KCNMB2: variants seen among roughly 807,000 people sequenced by gnomAD.
KCNMB2 encodes potassium calcium-activated channel subfamily M regulatory beta subunit 2.
Under a neutral mutation model 24.5 loss-of-function variants are expected in KCNMB2, and 9 were observed. That is an observed-to-expected ratio of 0.37 (90% confidence interval 0.22 to 0.64). The LOEUF (loss-of-function observed/expected upper bound fraction) is 0.64, where lower values mean the gene tolerates loss of function less well. Among genes scored for constraint, KCNMB2 ranks in the 30% least tolerant of loss-of-function variants. The probability of loss-of-function intolerance (pLI) is 0.63; values close to 1 mark genes in which losing one functional copy is unlikely to be tolerated. For synonymous variants in KCNMB2, 109 were observed against 104.4 expected, an observed-to-expected ratio of 1.04 and a Z score of -0.27; for missense variants, 226 against 284.3, an observed-to-expected ratio of 0.79 and a Z score of 1.47.
chr3:178,679,183 A>G lies in KCNMB2; in HGVS notation c.-67-128160A>G, dbSNP rs9871901. ...CCCAAAAGATATACACTACATTAAC[A>G]TTAATCACTAATGTGATATTAACTA... On this transcript the variant is annotated intron_variant, in intron 1 of 4. Coordinates refer to ENST00000452583, the MANE Select transcript of KCNMB2 (RefSeq NM_181361.3). Among the ~76,000 whole-genome samples, 1,057 of 152,280 alleles carry G rather than the reference A, an allele frequency of 6.9e-3. 11 individuals carry two copies. The highest frequency in any genetic ancestry group is 0.024 in the African/African-American group (991 of 41,544).
chr3:178,718,690 G>A (rs1211957373), intron 1 of KCNMB2, among the ~76,000 whole-genome samples: 5 of 152,184 alleles, frequency 3.3e-5, no homozygotes, highest in Non-Finnish European at 7.3e-5. Flanking sequence ...GGATAGAGCT[G>A]GGGTTTAGAC....
intron 1 of KCNMB2, among the ~76,000 whole-genome samples, chr3:178,663,626 T>G (rs1720613484): frequency 6.6e-6 from 1 of 152,144 alleles, no homozygotes; most frequent in Non-Finnish European, 1.5e-5. Flanking sequence ...AAGTCATTTG[T>G]ACTACTAGAA....
At chr3:178,653,393 T>C (rs1174918834) in intron 1 of KCNMB2, among the ~76,000 whole-genome samples, 1 of 152,130 alleles carries the variant, frequency 6.6e-6, no homozygotes, top group Non-Finnish European at 1.5e-5. Flanking sequence ...AACAATTCTG[T>C]CTCTTCCCTT....
chr3:178,757,893 AT>A, intron 1 of KCNMB2, among the ~76,000 whole-genome samples: 1 of 137,502 alleles, frequency 7.3e-6, no homozygotes, highest in African/African-American at 2.6e-5. Context: ...ACATATATAT[AT>A]CCAAGAGGAT....
At chr3:178,822,693 G>A (rs999133712) in intron 2 of KCNMB2, among the ~76,000 whole-genome samples, 4 of 152,196 alleles carry the variant, frequency 2.6e-5, no homozygotes, top group African/African-American at 9.7e-5. Flanking sequence ...TTTTTGGGCT[G>A]TATGAAAATC....
At chr3:178,656,094 A>G (rs1261348294) in intron 1 of KCNMB2, among the ~76,000 whole-genome samples, 1 of 152,222 alleles carries the variant, frequency 6.6e-6, no homozygotes, top group Non-Finnish European at 1.5e-5. Context: ...AGACGTAAAC[A>G]TGATAGAAAA....
At position 178,646,171 on chromosome 3, in the gene KCNMB2, C is replaced by A. The variant is rs188213787; in HGVS notation, c.-68+109460C>A. The stretch of plus-strand genomic sequence containing the variant: ...TTTATTTCCTGAGGCTATCTGTGTC[C>A]CTGCCTAGATGATAGTCCTGGAGAG... On this transcript the variant is annotated intron_variant, in intron 1 of 4. Transcript: ENST00000452583. 3.2e-4 allele frequency among the ~76,000 whole-genome samples: 48 copies of A among 152,160 alleles called. 1 individual carries two copies. The South Asian group carries it at 8.5e-3, about 27-fold the overall frequency.
At chr3:178,720,943 T>C (rs1559988836) in intron 1 of KCNMB2, among the ~76,000 whole-genome samples, 1 of 152,144 alleles carries the variant, frequency 6.6e-6, no homozygotes, top group Non-Finnish European at 1.5e-5. Flanking sequence ...ACTCTGATGG[T>C]AGTTTCTTTT....
intron 1 of KCNMB2, among the ~76,000 whole-genome samples, chr3:178,657,447 C>T (rs1720385468): frequency 2.0e-5 from 3 of 152,170 alleles, no homozygotes; most frequent in Admixed American, 2.0e-4. Context: ...CAAGCTATGC[C>T]ATCTCTCTAA....
At chr3:178,824,233 T>C (rs1312782306) in intron 2 of KCNMB2, among the ~76,000 whole-genome samples, 1 of 152,252 alleles carries the variant, frequency 6.6e-6, no homozygotes, top group African/African-American at 2.4e-5. Flanking sequence ...ACTACTCATT[T>C]TCTTGCCATT....
At chr3:178,817,650 A>G (rs996541122) in intron 2 of KCNMB2, among the ~76,000 whole-genome samples, 1 of 152,194 alleles carries the variant, frequency 6.6e-6, no homozygotes, top group Non-Finnish European at 1.5e-5. Context: ...TCTGGGAACT[A>G]GAGGGTTCAG....
chr3:178,607,516 T>C (rs1339140137), intron 1 of KCNMB2, among the ~76,000 whole-genome samples: 3 of 152,158 alleles, frequency 2.0e-5, no homozygotes, highest in Non-Finnish European at 4.4e-5. Flanking sequence ...CTCTGTAATG[T>C]AGGCATTGTA....
chr3:178,757,355 T>C (rs1364791381), intron 1 of KCNMB2, among the ~76,000 whole-genome samples: 4 of 79,610 alleles, frequency 5.0e-5, no homozygotes, highest in African/African-American at 2.2e-4. Flanking sequence ...AGAGGATATA[T>C]ATATATATAT....
At chr3:178,540,731 C>T (rs755200271) in intron 1 of KCNMB2, among the ~76,000 whole-genome samples, 7 of 152,138 alleles carry the variant, frequency 4.6e-5, no homozygotes, top group Admixed American at 1.3e-4. Context: ...AGAAAACTTC[C>T]CTGAAAACAC....
intron 1 of KCNMB2, among the ~76,000 whole-genome samples, chr3:178,774,852 G>T (rs952257365): frequency 1.3e-5 from 2 of 152,162 alleles, no homozygotes; most frequent in Admixed American, 1.3e-4. Context: ...AACACTTAGT[G>T]CAATTTTAAA....
At chr3:178,639,075 A>G in intron 1 of KCNMB2, among the ~76,000 whole-genome samples, 1 of 152,096 alleles carries the variant, frequency 6.6e-6, no homozygotes, top group Admixed American at 6.6e-5. Flanking sequence ...CCTTGAATAG[A>G]TTTTTTTTAA....
chr3:178,760,876 A>T (rs544603267), intron 1 of KCNMB2, among the ~76,000 whole-genome samples: 1 of 151,396 alleles, frequency 6.6e-6, no homozygotes, highest in African/African-American at 2.4e-5. Context: ...ATTATAGAAG[A>T]TATTTAGGGT....
chr3:178,599,188 A>G (rs1447088711), intron 1 of KCNMB2, among the ~76,000 whole-genome samples: 1 of 152,182 alleles, frequency 6.6e-6, no homozygotes, highest in East Asian at 1.9e-4. Flanking sequence ...CTAAGGTTTT[A>G]TGGAGTTTCT....
At chr3:178,704,966 C>A (rs1722229007) in intron 1 of KCNMB2, among the ~76,000 whole-genome samples, 1 of 152,094 alleles carries the variant, frequency 6.6e-6, no homozygotes, top group African/African-American at 2.4e-5. Context: ...TAGGTATATA[C>A]CACCATCACC....
Sources: allele counts gnomAD v4.1 joint callset (sites outside exome capture counted in the v4.1 genomes callset), GRCh38; gene constraint gnomAD v4.1.1; transcripts MANE v1.5; gene names NCBI Gene and HGNC (gene_info 2026-07-23, HGNC 2026-07-21).